Variants in RARB observed in about 807,000 individuals in gnomAD.
RARB encodes the protein HBV-activated protein.
Under a neutral mutation model 51.9 loss-of-function variants are expected in RARB, and 17 were observed. The observed-to-expected ratio is 0.33, with a 90% CI of 0.22 to 0.49. The LOEUF (loss-of-function observed/expected upper bound fraction) is 0.49. Ranked by LOEUF, RARB falls within the 20% of genes least tolerant of loss-of-function variation. RARB has a pLI of 0.99. For synonymous variants in RARB, 215 were observed against 195.4 expected (o/e 1.10, Z -0.84); for missense variants, 369 against 550.8 (o/e 0.67, Z 3.30).
chr3:25,590,604 T>TC (rs1301212841), intron 5 of RARB, among the ~76,000 whole-genome samples: 1 of 152,014 alleles, frequency 6.6e-6, no homozygotes, highest in Non-Finnish European at 1.5e-5. Flanking sequence ...CACTGCAACC[T>TC]CCCCCTCCCA....
intron 2 of RARB, among the ~76,000 whole-genome samples, chr3:24,991,650 G>A (rs931734404): frequency 2.6e-5 from 4 of 151,956 alleles, no homozygotes; most frequent in African/African-American, 7.3e-5. Flanking sequence ...GTTGTATTAC[G>A]GGTTTAGGAA....
intron 2 of RARB, among the ~76,000 whole-genome samples, chr3:24,939,473 T>C (rs1378914851): frequency 6.6e-6 from 1 of 152,102 alleles, no homozygotes; most frequent in East Asian, 2.0e-4. Context: ...ACTTATTCTC[T>C]TGTATATTAC....
chr3:25,170,000 AAAAAAAAAG>A (rs1313892897), intron 4 of RARB, among the ~76,000 whole-genome samples: 2 of 140,540 alleles, frequency 1.4e-5, no homozygotes, highest in African/African-American at 2.7e-5. Context: ...AAAAAAAAAA[AAAAAAAAAG>A]AAAGAAAAAA....
chr3:25,453,997 T>A (rs1694756184), intron 1 of RARB, among the ~76,000 whole-genome samples: 1 of 152,186 alleles, frequency 6.6e-6, no homozygotes, highest in Admixed American at 6.5e-5. Flanking sequence ...ATTCACAGAT[T>A]TGCAAAACCC....
intron 5 of RARB, among the ~76,000 whole-genome samples, chr3:25,262,632 T>A (rs1703029036): frequency 6.6e-6 from 1 of 152,178 alleles, no homozygotes; most frequent in South Asian, 2.1e-4. Context: ...TCACACTATA[T>A]CAATCTGATC....
chr3:25,522,756 C>T (rs1021914517), intron 3 of RARB, among the ~76,000 whole-genome samples: 2 of 152,070 alleles, frequency 1.3e-5, no homozygotes, highest in African/African-American at 4.8e-5. Context: ...CTCTTAGAGC[C>T]GTCGGGCATC....
chr3:25,243,543 C>T (rs551456045), intron 5 of RARB, among the ~76,000 whole-genome samples: 1 of 152,080 alleles, frequency 6.6e-6, no homozygotes, highest in African/African-American at 2.4e-5. Context: ...TATCAAAGAC[C>T]TTTTCTGCAT....
At chr3:25,104,929 AG>A (rs1165288719) in intron 3 of RARB, among the ~76,000 whole-genome samples, 1 of 152,232 alleles carries the variant, frequency 6.6e-6, no homozygotes, top group African/African-American at 2.4e-5. Flanking sequence ...CTGCAAGGGG[AG>A]CTCCTGTTTC....
intron 5 of RARB, among the ~76,000 whole-genome samples, chr3:25,261,316 ACT>A (rs1488798597): frequency 6.7e-6 from 1 of 149,726 alleles, no homozygotes; most frequent in Non-Finnish European, 1.5e-5. Context: ...TCTTCTTGAA[ACT>A]CTCTATTCCC....
At chr3:25,286,641 T>C (rs979301574) in intron 5 of RARB, among the ~76,000 whole-genome samples, 3 of 152,192 alleles carry the variant, frequency 2.0e-5, no homozygotes, top group Admixed American at 6.5e-5. Flanking sequence ...TGGAGGAAAC[T>C]CCAAAATTAT....
rs534167116 is a variant in RARB at position 24,871,895 on chromosome 3, C to A, written c.-380+13143C>A. 9.2e-5 allele frequency among the ~76,000 whole-genome samples: 14 copies of A among 152,228 alleles called. 1 individual carries two copies. The South Asian group carries it at 2.9e-3, about 32-fold the overall frequency. Reference sequence around the variant, plus strand: ...CATTCAGGAAATCCTATTAGCTCTTCTTTCAAAATAGATGCGGAATCTTAT... The same window carrying A: ...CATTCAGGAAATCCTATTAGCTCTTATTTCAAAATAGATGCGGAATCTTAT... On this transcript the variant is annotated intron_variant, in intron 2 of 11. Coordinates refer to the RARB transcript ENST00000383772.
intron 5 of RARB, among the ~76,000 whole-genome samples, chr3:25,223,935 G>C (rs1226316918): frequency 1.3e-5 from 2 of 152,110 alleles, no homozygotes; most frequent in Non-Finnish European, 2.9e-5. Context: ...TATTTACTCT[G>C]AGTATTTCTA....
chr3:25,305,171 T>C (rs1436393183), intron 5 of RARB, among the ~76,000 whole-genome samples: 1 of 152,152 alleles, frequency 6.6e-6, no homozygotes, highest in East Asian at 1.9e-4. Flanking sequence ...TAGACCTTCA[T>C]TTTAATTTAA....
Position 25,031,202 on chromosome 3 carries a change from T to C in RARB, c.-379-28923T>C, listed in dbSNP as rs555108187. Among the ~76,000 whole-genome samples, 5 of 152,292 alleles carry C rather than the reference T, an allele frequency of 3.3e-5. No homozygotes were observed. The East Asian group carries it at 7.7e-4, about 24-fold the overall frequency. On this transcript the variant is annotated intron_variant, in intron 2 of 11. Coordinates refer to the RARB transcript ENST00000383772. The stretch of plus-strand genomic sequence containing the variant: ...AATATGTGCCCATATATTTTAGCAA[T>C]GTATCCTTGGGACAAAAGTGCTTCC...
In RARB at chr3:25,596,798, A is replaced by C. The variant is rs182678391; in HGVS notation, c.*182A>C. ...TCCTCACTGTGTAACTTACCTAGAA[A>C]TACAAACTTTTCCAATTTTAAAAAA... On this transcript the variant is annotated 3_prime_UTR_variant, in exon 8 of 8. Transcript: ENST00000330688. 77 of 444,294 alleles carry C rather than the reference A, an allele frequency of 1.7e-4. No homozygotes were observed. The East Asian group carries it at 2.7e-3, about 15-fold the overall frequency. 27.5% of individuals were successfully genotyped at this position (444,294 alleles called of 1,614,324 possible). A position where few individuals can be genotyped will look rare whatever the true frequency, so the allele number is the denominator to read the frequency against.
At chr3:25,315,652 C>T (rs562918370) in intron 5 of RARB, among the ~76,000 whole-genome samples, 154 of 152,256 alleles carry the variant, frequency 1.0e-3, no homozygotes, top group African/African-American at 3.1e-3. Context: ...CTTGCTCTGT[C>T]GCCCAGGCTG....
intron 3 of RARB, among the ~76,000 whole-genome samples, chr3:25,503,147 T>C (rs974540118): frequency 1.3e-5 from 2 of 152,202 alleles, no homozygotes; most frequent in East Asian, 1.9e-4. Context: ...TTAGAGCCAT[T>C]GAGTTACTCA....
At chr3:25,207,329 C>T (rs953404922) in intron 5 of RARB, among the ~76,000 whole-genome samples, 28 of 152,260 alleles carry the variant, frequency 1.8e-4, no homozygotes, top group South Asian at 4.1e-4. Context: ...ATTCACTTAA[C>T]GTTCAATGAC....
intron 5 of RARB, among the ~76,000 whole-genome samples, chr3:25,198,248 C>T (rs1400810296): frequency 6.6e-6 from 1 of 152,058 alleles, no homozygotes; most frequent in Non-Finnish European, 1.5e-5. Context: ...TAGACCCCTT[C>T]TCTTACCATA....
Sources: gnomAD v4.1 joint callset for allele counts (sites outside exome capture counted in the v4.1 genomes callset) on GRCh38, gnomAD v4.1.1 for gene constraint, MANE v1.5 for transcripts, NCBI Gene and HGNC (gene_info 2026-07-23, HGNC 2026-07-21) for gene names.